PDE1C: variants seen among roughly 807,000 people sequenced by gnomAD.
PDE1C encodes the protein dual specificity calcium/calmodulin-dependent 3',5'-cyclic nucleotide phosphodiesterase 1C.
Under a neutral mutation model 93.1 loss-of-function variants are expected in PDE1C, and 62 were observed. That is an observed-to-expected ratio of 0.67 (90% CI 0.54 to 0.82). The LOEUF is 0.82. PDE1C is among the 40% of genes least tolerant of loss of function. The pLI is 0.00. For synonymous variants in PDE1C, 325 were observed against 310.1 expected, an observed-to-expected ratio of 1.05 and a Z score of -0.50; for missense variants, 742 against 884.6, an observed-to-expected ratio of 0.84 and a Z score of 2.04.
At chr7:32,069,272 T>C (rs761713772) in intron 1 of PDE1C, among the ~76,000 whole-genome samples, 7 of 152,240 alleles carry the variant, frequency 4.6e-5, no homozygotes, top group Non-Finnish European at 8.8e-5. Context: ...TTTGTTTGTG[T>C]GTGTGCTTTC....
intron 3 of PDE1C, among the ~76,000 whole-genome samples, chr7:32,144,895 A>T (rs1428923588): frequency 6.6e-6 from 1 of 151,996 alleles, no homozygotes; most frequent in Non-Finnish European, 1.5e-5. Flanking sequence ...CTCTAATTCC[A>T]CCCTTACTCC....
chr7:32,001,054 T>C (rs1211326207), intron 2 of PDE1C, among the ~76,000 whole-genome samples: 1 of 151,506 alleles, frequency 6.6e-6, no homozygotes, highest in African/African-American at 2.4e-5. Context: ...AAACACCAAG[T>C]GAAAAAACAA....
At chr7:31,895,478 A>G (rs956667224) in intron 2 of PDE1C, among the ~76,000 whole-genome samples, 1 of 152,206 alleles carries the variant, frequency 6.6e-6, no homozygotes, top group Non-Finnish European at 1.5e-5. Context: ...GAAATCTCAA[A>G]GTCTAAGCAT....
intron 1 of PDE1C, among the ~76,000 whole-genome samples, chr7:32,334,888 TG>T: frequency 6.6e-6 from 1 of 152,284 alleles, no homozygotes; most frequent in Admixed American, 6.5e-5. Context: ...TTAAATGTTT[TG>T]TCTTTCAAAT....
At chr7:31,950,962 G>C (rs1266397850) in intron 2 of PDE1C, among the ~76,000 whole-genome samples, 1 of 152,138 alleles carries the variant, frequency 6.6e-6, no homozygotes, top group African/African-American at 2.4e-5. Flanking sequence ...CATAGTTCTG[G>C]AGGCGGAAAG....
chr7:31,736,346 T>C, the PDE1C span, among the ~76,000 whole-genome samples: 1 of 152,168 alleles, frequency 6.6e-6, no homozygotes, highest in Non-Finnish European at 1.5e-5. Context: ...TAATCCTGCC[T>C]AATAGACAAG....
intron 3 of PDE1C, among the ~76,000 whole-genome samples, chr7:32,133,132 T>C (rs1404012847): frequency 1.3e-5 from 2 of 151,996 alleles, no homozygotes; most frequent in Admixed American, 6.6e-5. Context: ...AGGGTGCAGG[T>C]GGGATGGGCA....
intron 9 of PDE1C, among the ~76,000 whole-genome samples, chr7:31,839,205 C>G (rs1047572532): frequency 1.4e-5 from 2 of 141,644 alleles, no homozygotes; most frequent in Non-Finnish European, 3.0e-5. Context: ...TACATACATA[C>G]GTATATGTGT....
upstream of PDE1C, among the ~76,000 whole-genome samples, chr7:32,302,792 C>T (rs1812910774): frequency 6.6e-6 from 1 of 152,174 alleles, no homozygotes; most frequent in South Asian, 2.1e-4. Flanking sequence ...GACAGCTCCT[C>T]AACATCTCAC....
Position 31,945,216 on chromosome 7 carries a change from T to C in PDE1C, c.129-64356A>G, listed in dbSNP as rs767159102. Among the ~76,000 whole-genome samples, 179 of 152,308 alleles carry C rather than the reference T, an allele frequency of 1.2e-3. 6 individuals carry two copies. Among genetic ancestry groups the C allele is most frequent in the Middle Eastern group, 3.4e-3 (1 of 294 alleles). On this transcript the variant is annotated intron_variant, in intron 2 of 17. Transcript: ENST00000396191. ...CTGTCATTCATTTCACTTATTCATA[T>C]GCTATGATAACCCAAAACATTGATA...
chr7:32,312,288 C>T (rs1783063497), intron 1 of PDE1C, among the ~76,000 whole-genome samples: 1 of 151,996 alleles, frequency 6.6e-6, no homozygotes, highest in Non-Finnish European at 1.5e-5. Flanking sequence ...ATTCCATGCT[C>T]ATGGGTAGGA....
At position 32,051,380 on chromosome 7, in the gene PDE1C, G is replaced by A. The variant is rs117888321; in HGVS notation, c.128+174C>T. 1.9e-3 allele frequency among the ~76,000 whole-genome samples: 287 copies of A among 152,228 alleles called. 7 individuals are homozygous for A. The East Asian group carries it at 0.049, about 26-fold the overall frequency. On this transcript the variant is annotated intron_variant, in intron 2 of 17. Transcript: ENST00000396191. ...ATCCACCTACTGTGCCTCACTAGAT[G>A]CCTGCAATCAATTTTTAATTACAGC...
intron 2 of PDE1C, among the ~76,000 whole-genome samples, chr7:31,911,327 A>G (rs1443316703): frequency 6.6e-6 from 1 of 152,128 alleles, no homozygotes; most frequent in Non-Finnish European, 1.5e-5. Context: ...AAATTGAGAG[A>G]GGCCTATATG....
At chr7:31,778,000 A>G (rs1783127628) in intron 16 of PDE1C, among the ~76,000 whole-genome samples, 1 of 152,116 alleles carries the variant, frequency 6.6e-6, no homozygotes, top group Non-Finnish European at 1.5e-5. Context: ...ATGACTTCCA[A>G]GCTCCTTGAT....
chr7:31,763,796 C>T, intron 17 of PDE1C, among the ~76,000 whole-genome samples: 1 of 151,854 alleles, frequency 6.6e-6, no homozygotes, highest in East Asian at 1.9e-4. Flanking sequence ...CTTCTTATTA[C>T]AATATAGAAA....
the PDE1C span, among the ~76,000 whole-genome samples, chr7:31,622,767 C>A: frequency 1.3e-5 from 2 of 151,994 alleles, no homozygotes; most frequent in South Asian, 2.1e-4. Flanking sequence ...CAGAGCAGAA[C>A]TGAAGGAAAT....
intron 1 of PDE1C, among the ~76,000 whole-genome samples, chr7:32,209,992 G>C (rs1308402773): frequency 6.6e-6 from 1 of 152,076 alleles, no homozygotes; most frequent in Non-Finnish European, 1.5e-5. Context: ...CAGGAATTTC[G>C]GAAGATAAAT....
At chr7:32,136,012 C>T (rs990889303) in intron 3 of PDE1C, among the ~76,000 whole-genome samples, 1 of 152,054 alleles carries the variant, frequency 6.6e-6, no homozygotes, top group African/African-American at 2.4e-5. Context: ...GTGAAATAAG[C>T]CAGATGTAGA....
the PDE1C span, among the ~76,000 whole-genome samples, chr7:31,725,231 G>T: frequency 6.6e-6 from 1 of 152,138 alleles, no homozygotes; most frequent in Non-Finnish European, 1.5e-5. Context: ...TGATCCTGAT[G>T]GCCATCGGGA....
Sources: allele counts gnomAD v4.1 joint callset (sites outside exome capture counted in the v4.1 genomes callset), GRCh38; gene constraint gnomAD v4.1.1; transcripts MANE v1.5; gene names NCBI Gene and HGNC (gene_info 2026-07-23, HGNC 2026-07-21).